The following DLGAP2 variants were observed in gnomAD, a reference collection of about 807,000 sequenced individuals.
DLGAP2 encodes DLG associated protein 2.
In DLGAP2, 26 loss-of-function variants were observed where a neutral mutation model predicts 100.3. The ratio of observed to expected loss-of-function variants is 0.26; its 90% CI spans 0.19 to 0.36. The LOEUF (loss-of-function observed/expected upper bound fraction) is 0.36. Ranked by LOEUF, DLGAP2 falls within the 10% of genes least tolerant of loss-of-function variation. DLGAP2 has a pLI of 1.00. For synonymous variants in DLGAP2, 886 were observed against 630.1 expected, an observed-to-expected ratio of 1.41 and a Z score of -6.08; for missense variants, 1,858 against 1,453.2, an observed-to-expected ratio of 1.28 and a Z score of -4.53.
intron 3 of DLGAP2, among the ~76,000 whole-genome samples, chr8:1,416,255 C>T (rs957111738): frequency 2.0e-5 from 3 of 152,140 alleles, no homozygotes; most frequent in African/African-American, 4.8e-5. Context: ...AGAGTGGCGA[C>T]CAGCCCGGCC....
intron 2 of DLGAP2, among the ~76,000 whole-genome samples, chr8:1,197,915 G>C (rs1797787837): frequency 6.6e-6 from 1 of 152,120 alleles, no homozygotes; most frequent in African/African-American, 2.4e-5. Flanking sequence ...GTGGAATCAG[G>C]GTGCATCCTC....
intron 1 of DLGAP2, among the ~76,000 whole-genome samples, chr8:795,911 GTGAGAACAGGCGTCCA>G: frequency 1.6e-5 from 2 of 128,944 alleles, no homozygotes; most frequent in Admixed American, 8.3e-5. Flanking sequence ...CAGCTGTCCA[GTGAGAACAGGCGTCCA>G]GTGAGAGCAG....
intron 2 of DLGAP2, among the ~76,000 whole-genome samples, chr8:1,181,137 G>A (rs1362755081): frequency 3.6e-5 from 2 of 55,660 alleles, no homozygotes; most frequent in East Asian, 1.1e-3. Flanking sequence ...ACTTACTGTC[G>A]AGTGTGGGTG....
At chr8:887,196 C>G (rs1054929325) in intron 1 of DLGAP2, among the ~76,000 whole-genome samples, 4 of 144,884 alleles carry the variant, frequency 2.8e-5, no homozygotes, top group African/African-American at 7.6e-5. Context: ...GCAACCCCTG[C>G]TTTTTTTTTT....
chr8:917,671 C>T (rs1451892968), intron 2 of DLGAP2, among the ~76,000 whole-genome samples: 2 of 152,152 alleles, frequency 1.3e-5, no homozygotes, highest in Non-Finnish European at 2.9e-5. Context: ...AACTCCACCT[C>T]CCAGGTTCAA....
intron 3 of DLGAP2, among the ~76,000 whole-genome samples, chr8:1,493,661 C>T (rs1469553006): frequency 6.6e-6 from 1 of 152,186 alleles, no homozygotes; most frequent in African/African-American, 2.4e-5. Flanking sequence ...GCTAGGAAAA[C>T]GTCCTATCGG....
chr8:1,118,251 G>T (rs574998236), intron 2 of DLGAP2, among the ~76,000 whole-genome samples: 1 of 152,266 alleles, frequency 6.6e-6, no homozygotes, highest in Admixed American at 6.5e-5. Context: ...ATGTGAGCTC[G>T]GGGGAACTTC....
At chr8:912,742 C>T (rs1285259764) in intron 2 of DLGAP2, among the ~76,000 whole-genome samples, 2 of 150,590 alleles carry the variant, frequency 1.3e-5, no homozygotes, top group African/African-American at 4.9e-5. Context: ...GCTATGGTGC[C>T]CACGTTCCTC....
chr8:875,508 C>T (rs1467011228), intron 1 of DLGAP2, among the ~76,000 whole-genome samples: 1 of 152,166 alleles, frequency 6.6e-6, no homozygotes, highest in African/African-American at 2.4e-5. Flanking sequence ...TCTCATTCTT[C>T]TCCTTTCTGC....
intron 1 of DLGAP2, among the ~76,000 whole-genome samples, chr8:856,281 C>G (rs189855331): frequency 6.6e-6 from 1 of 151,108 alleles, no homozygotes; most frequent in Non-Finnish European, 1.5e-5. Flanking sequence ...CTTCGCCTCC[C>G]GGGTTCAAGC....
intron 3 of DLGAP2, among the ~76,000 whole-genome samples, chr8:1,322,364 C>T (rs1800921437): frequency 6.6e-6 from 1 of 152,230 alleles, no homozygotes; most frequent in South Asian, 2.1e-4. Context: ...CAAATCAGGA[C>T]ATGTATTAAT....
intron 3 of DLGAP2, among the ~76,000 whole-genome samples, chr8:1,293,297 C>T (rs1184259799): frequency 6.6e-6 from 1 of 152,178 alleles, no homozygotes; most frequent in African/African-American, 2.4e-5. Flanking sequence ...GCATGGCCCC[C>T]AGCCAGGCAG....
chr8:1,494,113 C>G (rs548362618), intron 3 of DLGAP2, among the ~76,000 whole-genome samples: 2 of 152,224 alleles, frequency 1.3e-5, no homozygotes, highest in Non-Finnish European at 2.9e-5. Flanking sequence ...CTGCAGGGCC[C>G]ACACACAGTG....
At chr8:958,372 G>C (rs572836702) in intron 2 of DLGAP2, among the ~76,000 whole-genome samples, 1 of 152,072 alleles carries the variant, frequency 6.6e-6, no homozygotes, top group Non-Finnish European at 1.5e-5. Flanking sequence ...ATGAGTATGC[G>C]TGCAGGTCCC....
chr8:1,338,522 T>G (rs1801339829), intron 3 of DLGAP2, among the ~76,000 whole-genome samples: 1 of 152,224 alleles, frequency 6.6e-6, no homozygotes, highest in Admixed American at 6.5e-5. Context: ...AGAATATGTT[T>G]TGGGGTGATG....
intron 8 of DLGAP2, among the ~76,000 whole-genome samples, chr8:1,660,038 G>A (rs913878496): frequency 6.6e-6 from 1 of 152,112 alleles, no homozygotes; most frequent in Non-Finnish European, 1.5e-5. Flanking sequence ...GGCAGGCCTG[G>A]TGGTGACAAA....
chr8:1,554,309 TAAA>T (rs1801882549), intron 5 of DLGAP2, among the ~76,000 whole-genome samples: 2 of 38,024 alleles, frequency 5.3e-5, no homozygotes, highest in African/African-American at 3.3e-4. Flanking sequence ...ATTAATTAAA[TAAA>T]TAAATAAATA....
chr8:1,319,834 G>C (rs543453523), intron 3 of DLGAP2, among the ~76,000 whole-genome samples: 3 of 152,206 alleles, frequency 2.0e-5, no homozygotes, highest in Non-Finnish European at 4.4e-5. Context: ...ACAATGGCAA[G>C]GTCAGGTTGC....
intron 6 of DLGAP2, among the ~76,000 whole-genome samples, chr8:1,613,447 A>G (rs1273550399): frequency 2.0e-5 from 3 of 152,008 alleles, no homozygotes; most frequent in Non-Finnish European, 4.4e-5. Flanking sequence ...AGGCTAGATG[A>G]CGAGTTAGTG....
Sources: allele counts gnomAD v4.1 joint callset (sites outside exome capture counted in the v4.1 genomes callset), GRCh38; gene constraint gnomAD v4.1.1; transcripts MANE v1.5; gene names NCBI Gene and HGNC (gene_info 2026-07-23, HGNC 2026-07-21).